The following ATIC variants were observed in gnomAD, a reference collection of about 807,000 sequenced individuals.
ATIC encodes the protein bifunctional purine biosynthesis protein ATIC.
ATIC carries 64 observed loss-of-function variants against 72.5 expected under a neutral mutation model. The observed-to-expected ratio is 0.88, with a 90% confidence interval of 0.72 to 1.09. The LOEUF (loss-of-function observed/expected upper bound fraction) is 1.09, where lower values mean the gene tolerates loss of function less well. Ranked by LOEUF, ATIC falls within the 50% of genes least tolerant of loss-of-function variation. ATIC has a pLI of 0.00. For missense variants in ATIC, 787 were observed against 732.4 expected, an observed-to-expected ratio of 1.07 and a Z score of -0.86; for synonymous variants, 281 against 267.1, an observed-to-expected ratio of 1.05 and a Z score of -0.51.
intron 4 of ATIC, among the ~76,000 whole-genome samples, chr2:215,322,398 C>T (rs1272122529): frequency 2.1e-5 from 3 of 144,308 alleles, no homozygotes; most frequent in East Asian, 2.1e-4. Context: ...GGCGTGATCT[C>T]GGCTCACTGC....
intron 8 of ATIC, among the ~76,000 whole-genome samples, chr2:215,332,854 T>G (rs894613905): frequency 1.3e-5 from 2 of 152,238 alleles, no homozygotes; most frequent in Non-Finnish European, 2.9e-5. Context: ...ACTCTTTATC[T>G]GAAACTTCTT....
At chr2:215,316,459 C>T (rs902843688) in intron 2 of ATIC, among the ~76,000 whole-genome samples, 1 of 152,178 alleles carries the variant, frequency 6.6e-6, no homozygotes, top group African/African-American at 2.4e-5. Context: ...ATTATAGTCT[C>T]AGCTACTTGG....
At position 215,349,187 on chromosome 2, in the gene ATIC, G is replaced by A. The variant is rs145563811; in HGVS notation, c.1597G>A (p.Glu533Lys). 2.1e-4 allele frequency: 343 copies of A among 1,614,160 alleles called. 4 individuals carry two copies. The African/African-American group carries it at 4.1e-3, about 19-fold the overall frequency. The change falls in exon 15 of 16, where the codon GAA becomes AAA. Residue 533 changes from glutamate to lysine, a missense_variant. Glu to Lys is a moderately conservative substitution (Grantham distance 56). Transcript: ENST00000236959. ...GAAGGAATGGGTTGAGAAACTGACTGAAGTTTCTATCAGCTCTGATGCCTT... is the reference window on the plus strand; with the variant it reads ...GAAGGAATGGGTTGAGAAACTGACTAAAGTTTCTATCAGCTCTGATGCCTT... ...EKKEWVEKLT[E>K]VSISSDAFFP...
intron 10 of ATIC, among the ~76,000 whole-genome samples, chr2:215,335,291 G>A (rs1044379412): frequency 6.6e-6 from 1 of 152,070 alleles, no homozygotes; most frequent in Non-Finnish European, 1.5e-5. Flanking sequence ...TGTTTCTGAA[G>A]AGCAGAAGTT....
intron 12 of ATIC, among the ~76,000 whole-genome samples, chr2:215,342,682 GT>G (rs1361483035): frequency 1.3e-5 from 2 of 152,100 alleles, no homozygotes; most frequent in Non-Finnish European, 2.9e-5. Flanking sequence ...TGAGCATAAG[GT>G]TTTTGTCTTT....
the ATIC span, chr2:215,364,586 A>G: frequency 4.1e-6 from 2 of 492,898 alleles, no homozygotes; most frequent in Non-Finnish European, 7.4e-6. Context: ...TGATTCTAAC[A>G]TCATATAAAT....
chr2:215,338,692 T>A, intron 11 of ATIC, 87 bp from the exon 12 acceptor site: 2 of 1,410,634 alleles, frequency 1.4e-6, no homozygotes, highest in Non-Finnish European at 1.9e-6. Context: ...TAACTTTACT[T>A]ACAATGAAAT....
downstream of ATIC, among the ~76,000 whole-genome samples, chr2:215,352,593 AAAATT>A (rs1382462005): frequency 3.3e-5 from 5 of 152,158 alleles, no homozygotes; most frequent in East Asian, 1.9e-4. Flanking sequence ...AGAAAAAAAA[AAAATT>A]AAACTATTAG....
At position 215,319,712 on chromosome 2, in the gene ATIC, C is replaced by T. The variant is rs1371005955; in HGVS notation, c.271C>T (p.Leu91Phe). The part of the protein sequence containing the change: ...IPEDNADMAR[L>F]DFNLIRVVAC... The stretch of plus-strand genomic sequence containing the variant: ...AGAAGATAATGCTGACATGGCCAGA[C>T]TTGATTTCAATCTTATAAGGTAAAA... The change falls in exon 4 of 16, where the codon CTT becomes TTT. Residue 91 changes from leucine to phenylalanine, a missense_variant. Transcript: ENST00000236959. The T allele has an allele frequency of 6.2e-7, 1 of 1,611,292 alleles. No individual in the cohort carries two copies. The highest frequency in any genetic ancestry group is 1.3e-5 in the African/African-American group (1 of 74,848).
rs1233777223 is a variant in ATIC, at chr2:215,315,987, TG to T, written c.147-2169del. On this transcript the variant is annotated intron_variant, in intron 2 of 15. Transcript: ENST00000236959. Reference sequence around the variant, plus strand: ...AAAAAAAAGATCTTGGTTCTGAGGCTGCTTCTGAGCATATTTTTGGGTGTTG... The same window carrying T: ...AAAAAAAAGATCTTGGTTCTGAGGCTCTTCTGAGCATATTTTTGGGTGTTG... Among the ~76,000 whole-genome samples the T allele has an allele frequency of 1.3e-4, 19 of 151,826 alleles. No homozygotes were observed. The South Asian group carries it at 2.1e-3, about 17-fold the overall frequency.
rs1021031556 is a variant in ATIC at position 215,325,322 on chromosome 2, T to G, written c.372T>G (p.Ile124Met). 5.6e-6 allele frequency: 9 copies of G among 1,612,704 alleles called. No individual in the cohort carries two copies. The highest frequency in any genetic ancestry group is 7.6e-6 in the Non-Finnish European group (9 of 1,178,842). The change falls in exon 5 of 16, where the codon ATT becomes ATG. Residue 124 changes from isoleucine (I) to methionine (M), a missense_variant. Physicochemically the swap from Ile to Met is conservative, Grantham distance 10. Transcript: ENST00000236959. Reference sequence around the variant, plus strand: ...CTGTTGAGGAGGCTGTGGAGCAAATTGACATTGGTAAGTCAGAAAAACCAT... The same window carrying G: ...CTGTTGAGGAGGCTGTGGAGCAAATGGACATTGGTAAGTCAGAAAAACCAT... The part of the protein sequence containing the change: ...GVTVEEAVEQ[I>M]DIGGVTLLRA...
intron 2 of ATIC, among the ~76,000 whole-genome samples, chr2:215,314,454 T>G (rs1416478936): frequency 6.6e-6 from 1 of 152,160 alleles, no homozygotes; most frequent in East Asian, 1.9e-4. Flanking sequence ...ACAACGTAGT[T>G]AAGTAACTCG....
At chr2:215,355,067 T>C in the ATIC span, among the ~76,000 whole-genome samples, 1 of 152,076 alleles carries the variant, frequency 6.6e-6, no homozygotes, top group East Asian at 1.9e-4. Context: ...CCCTGTGTTA[T>C]GCCAAAAAAA....
At chr2:215,364,673 T>G in the ATIC span, 1 of 604,076 alleles carries the variant, frequency 1.7e-6, no homozygotes, top group East Asian at 2.8e-5. Context: ...TTCTTTCTAC[T>G]AAGAGTAATA....
At chr2:215,321,304 A>G (rs1411728875) in intron 4 of ATIC, among the ~76,000 whole-genome samples, 1 of 152,212 alleles carries the variant, frequency 6.6e-6, no homozygotes, top group African/African-American at 2.4e-5. Context: ...ATAGCATAGT[A>G]TCAATAGTTC....
At chr2:215,351,988 C>T (rs1253209166), downstream of ATIC, among the ~76,000 whole-genome samples, 1 of 152,078 alleles carries the variant, frequency 6.6e-6, no homozygotes, top group Non-Finnish European at 1.5e-5. Context: ...TATAACCTAG[C>T]CGAAGGACTT....
chr2:215,364,242 C>T, the ATIC span: 2 of 169,550 alleles, frequency 1.2e-5, no homozygotes, highest in Non-Finnish European at 2.6e-5. Context: ...AGACCTATAA[C>T]AAGCATCTGT....
At chr2:215,358,750 A>G in the ATIC span, among the ~76,000 whole-genome samples, 13 of 152,362 alleles carry the variant, frequency 8.5e-5, no homozygotes, top group African/African-American at 2.6e-4. Flanking sequence ...TCCAACAGAC[A>G]TTTTGGAAAA....
At chr2:215,332,565 T>A (rs527460867) in intron 8 of ATIC, 58 bp downstream of exon 8, 2 of 1,593,058 alleles carry the variant, frequency 1.3e-6, no homozygotes, top group African/African-American at 2.7e-5. Flanking sequence ...TCTTCTTAAA[T>A]TTTTTTGAAT....
Sources: allele counts gnomAD v4.1 joint callset (sites outside exome capture counted in the v4.1 genomes callset), GRCh38; gene constraint gnomAD v4.1.1; transcripts MANE v1.5; gene names NCBI Gene and HGNC (gene_info 2026-07-23, HGNC 2026-07-21).